The following ARL8B variants were observed in gnomAD, a reference collection of about 807,000 sequenced individuals.
ARL8B encodes the protein ADP-ribosylation factor-like protein 8B.
A neutral mutation model predicts 30.6 loss-of-function variants in ARL8B; 9 were observed. The ratio of observed to expected loss-of-function variants is 0.29; its 90% CI spans 0.18 to 0.51. The LOEUF is 0.51. Ranked by LOEUF, ARL8B falls within the 20% of genes least tolerant of loss-of-function variation. ARL8B has a pLI of 0.97. For synonymous variants in ARL8B, 74 were observed against 76.0 expected, an observed-to-expected ratio of 0.97 and a Z score of 0.14; for missense variants, 130 against 227.2, an observed-to-expected ratio of 0.57 and a Z score of 2.75.
At chr3:5,169,881 T>G (rs918165252) in intron 1 of ARL8B, among the ~76,000 whole-genome samples, 2 of 152,242 alleles carry the variant, frequency 1.3e-5, no homozygotes, top group African/African-American at 2.4e-5. Context: ...CAATTCGAGT[T>G]CTGTATAGGA....
At chr3:5,146,199 A>G (rs1030069333) in intron 1 of ARL8B, among the ~76,000 whole-genome samples, 7 of 152,306 alleles carry the variant, frequency 4.6e-5, no homozygotes, top group South Asian at 2.1e-4. Flanking sequence ...CCCTGCTCCT[A>G]AGGTCTAGGG....
chr3:5,132,667 C>T (rs1418866758), intron 1 of ARL8B, among the ~76,000 whole-genome samples: 2 of 152,170 alleles, frequency 1.3e-5, no homozygotes, highest in African/African-American at 4.8e-5. Context: ...CAGTCCCTGC[C>T]ACATGACAAG....
intron 1 of ARL8B, 47 bp downstream of exon 1, chr3:5,122,635 C>A (rs1311142291): frequency 1.9e-6 from 3 of 1,563,416 alleles, no homozygotes; most frequent in South Asian, 2.4e-5. Flanking sequence ...AGCCAGGAGT[C>A]CGGCCCGGCG....
At chr3:5,138,715 A>T (rs1020340290) in intron 1 of ARL8B, among the ~76,000 whole-genome samples, 1 of 152,202 alleles carries the variant, frequency 6.6e-6, no homozygotes, top group Non-Finnish European at 1.5e-5. Context: ...CAGCTACTGA[A>T]TAAATAATGA....
chr3:5,148,848 C>T (rs1466354189), intron 1 of ARL8B, among the ~76,000 whole-genome samples: 3 of 152,216 alleles, frequency 2.0e-5, no homozygotes, highest in Non-Finnish European at 4.4e-5. Context: ...AAACCTTCAG[C>T]ATTCTCCCCA....
At chr3:5,165,861 A>T (rs1157570618) in intron 1 of ARL8B, among the ~76,000 whole-genome samples, 1 of 152,146 alleles carries the variant, frequency 6.6e-6, no homozygotes, top group Non-Finnish European at 1.5e-5. Flanking sequence ...AACCTAATCC[A>T]TTTAGTACTA....
chr3:5,138,880 G>GT (rs377046775), intron 1 of ARL8B, among the ~76,000 whole-genome samples: 3 of 152,264 alleles, frequency 2.0e-5, no homozygotes, highest in African/African-American at 7.2e-5. Context: ...AGTGCTTACT[G>GT]TTTCTTCAGT....
intron 1 of ARL8B, 44 bp downstream of exon 1, chr3:5,122,632 A>T (rs1242673495): frequency 6.4e-7 from 1 of 1,567,378 alleles, no homozygotes; most frequent in South Asian, 1.2e-5. Context: ...CGCAGCCAGG[A>T]GTCCGGCCCG....
intron 1 of ARL8B, among the ~76,000 whole-genome samples, chr3:5,135,758 ATTATTATT>A (rs2054319456): frequency 4.7e-5 from 2 of 42,812 alleles, no homozygotes; most frequent in African/African-American, 4.9e-4. Context: ...CACCTGGCCT[ATTATTATT>A]ATTATTATTA....
intron 1 of ARL8B, among the ~76,000 whole-genome samples, chr3:5,140,695 C>A (rs1025480500): frequency 1.5e-4 from 23 of 152,050 alleles, no homozygotes; most frequent in African/African-American, 5.6e-4. Flanking sequence ...TGTATGTGTG[C>A]AGCCGTATGT....
chr3:5,140,560 T>G (rs1020262604), intron 1 of ARL8B, among the ~76,000 whole-genome samples: 1 of 150,484 alleles, frequency 6.6e-6, no homozygotes, highest in Non-Finnish European at 1.5e-5. Context: ...CCTTCTTGGT[T>G]TTTTTTTTTT....
At chr3:5,130,017 C>G (rs1392973718) in intron 1 of ARL8B, among the ~76,000 whole-genome samples, 2 of 152,006 alleles carry the variant, frequency 1.3e-5, no homozygotes, top group Non-Finnish European at 2.9e-5. Context: ...GCACGTGCCA[C>G]CACACACAGC....
chr3:5,174,905 C>T (rs1196890116), intron 6 of ARL8B, among the ~76,000 whole-genome samples: 1 of 151,696 alleles, frequency 6.6e-6, no homozygotes, highest in African/African-American at 2.4e-5. Flanking sequence ...TGGGTTAAAG[C>T]GATTCTTGTG....
chr3:5,138,063 AGATGTGCTAG>A (rs2054343099), intron 1 of ARL8B, among the ~76,000 whole-genome samples: 1 of 148,536 alleles, frequency 6.7e-6, no homozygotes, highest in African/African-American at 2.5e-5. Context: ...AACCCATCCT[AGATGTGCTAG>A]GATGTTAGGG....
intron 1 of ARL8B, among the ~76,000 whole-genome samples, chr3:5,155,411 G>A (rs558335311): frequency 1.3e-5 from 2 of 152,104 alleles, no homozygotes; most frequent in Admixed American, 6.5e-5. Flanking sequence ...GGAGTTTGAT[G>A]AGCTTCTTGG....
At chr3:5,157,308 A>G (rs1336617886) in intron 1 of ARL8B, among the ~76,000 whole-genome samples, 1 of 152,124 alleles carries the variant, frequency 6.6e-6, no homozygotes, top group Non-Finnish European at 1.5e-5. Flanking sequence ...TTCATACACA[A>G]CTTTATCAGA....
At chr3:5,124,510 G>T (rs1021150592) in intron 1 of ARL8B, among the ~76,000 whole-genome samples, 4 of 151,968 alleles carry the variant, frequency 2.6e-5, no homozygotes, top group Non-Finnish European at 5.9e-5. Flanking sequence ...CTTTCACCCA[G>T]ACTGGAGTGC....
chr3:5,174,894 C>T (rs911471936), intron 6 of ARL8B, among the ~76,000 whole-genome samples: 1 of 151,588 alleles, frequency 6.6e-6, no homozygotes, highest in African/African-American at 2.4e-5. Context: ...CCTCTGCCTC[C>T]TGGGTTAAAG....
At chr3:5,154,924 G>A (rs114064912) in intron 1 of ARL8B, among the ~76,000 whole-genome samples, 2 of 152,042 alleles carry the variant, frequency 1.3e-5, no homozygotes, top group East Asian at 3.9e-4. Context: ...AAGTAGACTT[G>A]TGTTTTCACT....
Sources: gnomAD v4.1 joint callset for allele counts (sites outside exome capture counted in the v4.1 genomes callset) on GRCh38, gnomAD v4.1.1 for gene constraint, MANE v1.5 for transcripts, NCBI Gene and HGNC (gene_info 2026-07-23, HGNC 2026-07-21) for gene names.